The following LDLRAD3 variants were observed in gnomAD, a reference collection of about 807,000 sequenced individuals.
LDLRAD3 encodes the protein low-density lipoprotein receptor class A domain-containing protein 3.
LDLRAD3 carries 20 observed loss-of-function variants against 29.4 expected under a neutral mutation model. The observed-to-expected ratio is 0.68, with a 90% CI of 0.48 to 0.99. LDLRAD3 has a LOEUF of 0.99. Among genes scored for constraint, LDLRAD3 ranks in the 50% least tolerant of loss-of-function variants. The pLI, the probability that LDLRAD3 is intolerant of heterozygous loss-of-function variation, is 0.00. For missense variants in LDLRAD3, 420 were observed against 454.3 expected (o/e 0.92, Z 0.69); for synonymous variants, 157 against 192.7 (o/e 0.81, Z 1.53).
rs548555667 is a variant in LDLRAD3 at position 36,040,667 on chromosome 11, T to G, written c.193+4418T>G. ...GGGTGGACATGACTTTCCCTCTGTT[T>G]TGAGAAATTTGCTTAGGCTAAATTC... On this transcript the variant is annotated intron_variant, in intron 2 of 5. Coordinates refer to ENST00000315571, the MANE Select transcript of LDLRAD3 (RefSeq NM_174902.4). Among the ~76,000 whole-genome samples, 38 of 152,302 alleles carry G rather than the reference T, an allele frequency of 2.5e-4. No individual in the cohort carries two copies. The South Asian group carries it at 7.9e-3, about 32-fold the overall frequency.
At chr11:35,981,364 C>A (rs1851539831) in intron 1 of LDLRAD3, among the ~76,000 whole-genome samples, 1 of 152,100 alleles carries the variant, frequency 6.6e-6, no homozygotes, top group Non-Finnish European at 1.5e-5. Context: ...GTCTCAGTGT[C>A]TTCATTTGCA....
At chr11:36,071,162 C>T (rs1341238848) in intron 2 of LDLRAD3, among the ~76,000 whole-genome samples, 3 of 152,174 alleles carry the variant, frequency 2.0e-5, no homozygotes, top group African/African-American at 7.2e-5. Flanking sequence ...AGCGCAGCAG[C>T]AGTTAAGGAG....
At chr11:36,150,580 C>T (rs1428203663) in intron 4 of LDLRAD3, among the ~76,000 whole-genome samples, 2 of 151,322 alleles carry the variant, frequency 1.3e-5, no homozygotes, top group Non-Finnish European at 2.9e-5. Context: ...AGTGAAACCC[C>T]ATCTCTACTA....
chr11:35,992,852 G>A (rs1475223637), intron 1 of LDLRAD3, among the ~76,000 whole-genome samples: 1 of 152,190 alleles, frequency 6.6e-6, no homozygotes, highest in Non-Finnish European at 1.5e-5. Context: ...TGTATAGTGT[G>A]TGAGTTTTAT....
intron 2 of LDLRAD3, among the ~76,000 whole-genome samples, chr11:36,047,053 T>G (rs1166359984): frequency 8.0e-6 from 1 of 125,476 alleles, no homozygotes; most frequent in Non-Finnish European, 1.9e-5. Flanking sequence ...GCCCTGGGGC[T>G]GGAGGGGGCT....
At chr11:36,203,740 T>C (rs1009115975) in intron 4 of LDLRAD3, among the ~76,000 whole-genome samples, 4 of 152,186 alleles carry the variant, frequency 2.6e-5, no homozygotes, top group Admixed American at 6.5e-5. Flanking sequence ...TGTTTTTATT[T>C]AACATGGAGC....
intron 4 of LDLRAD3, among the ~76,000 whole-genome samples, chr11:36,140,417 GATGGAATACC>G (rs1854064423): frequency 6.6e-6 from 1 of 152,168 alleles, no homozygotes; most frequent in Admixed American, 6.5e-5. Flanking sequence ...CAAATCCTGT[GATGGAATACC>G]ATGCAGCACA....
chr11:36,046,455 T>A (rs1852451573), intron 2 of LDLRAD3, among the ~76,000 whole-genome samples: 1 of 152,170 alleles, frequency 6.6e-6, no homozygotes, highest in Admixed American at 6.5e-5. Flanking sequence ...TGTAGATACA[T>A]CACTCCGTCT....
At chr11:35,977,562 T>C (rs2133153432) in intron 1 of LDLRAD3, among the ~76,000 whole-genome samples, 1 of 152,238 alleles carries the variant, frequency 6.6e-6, no homozygotes, top group South Asian at 2.1e-4. Flanking sequence ...GCAGCTTTAC[T>C]AGAGGAATAA....
intron 2 of LDLRAD3, among the ~76,000 whole-genome samples, chr11:36,042,151 ATACTCTT>A (rs1284889956): frequency 6.6e-6 from 1 of 152,102 alleles, no homozygotes; most frequent in East Asian, 1.9e-4. Context: ...TTCAGGCTCC[ATACTCTT>A]CCTCTTTTCC....
chr11:35,949,293 G>T (rs574461970), intron 1 of LDLRAD3, among the ~76,000 whole-genome samples: 3 of 152,288 alleles, frequency 2.0e-5, no homozygotes, highest in African/African-American at 7.2e-5. Flanking sequence ...CAGGTGATAG[G>T]CAGGTGACAG....
intron 1 of LDLRAD3, chr11:35,997,679 G>GCTGGAGGCAGCTGGTGTC (rs1297164163): frequency 6.3e-5 from 11 of 174,914 alleles, no homozygotes; most frequent in African/African-American, 2.6e-4. Context: ...TCAGTGGTGT[G>GCTGGAGGCAGCTGGTGTC]CTGGAGGCAG....
At chr11:35,997,095 A>G (rs375406513) in intron 1 of LDLRAD3, 1 of 261,056 alleles carries the variant, frequency 3.8e-6, no homozygotes, top group Non-Finnish European at 7.3e-6. Context: ...AAAATGGGCC[A>G]TAAAATGATG....
chr11:36,106,885 C>T (rs186989466), intron 4 of LDLRAD3, among the ~76,000 whole-genome samples: 2 of 152,064 alleles, frequency 1.3e-5, no homozygotes, highest in African/African-American at 4.8e-5. Flanking sequence ...TGCTTTGGCC[C>T]GTGGTGTGTT....
chr11:36,168,620 G>C (rs570948814), intron 4 of LDLRAD3, among the ~76,000 whole-genome samples: 2 of 151,042 alleles, frequency 1.3e-5, no homozygotes, highest in African/African-American at 2.4e-5. Context: ...GTGATCAATA[G>C]GGTAGCCTCC....
chr11:36,039,094 C>T (rs1241590083), intron 2 of LDLRAD3, among the ~76,000 whole-genome samples: 1 of 151,616 alleles, frequency 6.6e-6, no homozygotes, highest in Non-Finnish European at 1.5e-5. Flanking sequence ...CTCAGTCTCC[C>T]GAGTAGCTGG....
intron 4 of LDLRAD3, among the ~76,000 whole-genome samples, chr11:36,131,761 T>C (rs569857335): frequency 2.8e-4 from 43 of 152,374 alleles, no homozygotes; most frequent in African/African-American, 1.0e-3. Context: ...CCTTGACTCC[T>C]ATTTATAGTT....
chr11:35,948,897 C>G (rs1425121120), intron 1 of LDLRAD3, among the ~76,000 whole-genome samples: 3 of 152,164 alleles, frequency 2.0e-5, no homozygotes, highest in Non-Finnish European at 4.4e-5. Flanking sequence ...ACTCTTCACC[C>G]ACAGCGGTGA....
At chr11:36,002,752 T>C (rs1052831851) in intron 1 of LDLRAD3, among the ~76,000 whole-genome samples, 1 of 152,184 alleles carries the variant, frequency 6.6e-6, no homozygotes, top group Non-Finnish European at 1.5e-5. Flanking sequence ...CCTGGCTTGC[T>C]TCACTGGAGA....
Sources: allele counts gnomAD v4.1 joint callset (sites outside exome capture counted in the v4.1 genomes callset), GRCh38; gene constraint gnomAD v4.1.1; transcripts MANE v1.5; gene names NCBI Gene and HGNC (gene_info 2026-07-23, HGNC 2026-07-21).